DNAJC19: variants seen among roughly 807,000 people sequenced by gnomAD.
The protein encoded by DNAJC19 is mitochondrial import inner membrane translocase subunit TIM14.
Under a neutral mutation model 19.8 loss-of-function variants are expected in DNAJC19, and 15 were observed. The ratio of observed to expected loss-of-function variants is 0.76; its 90% CI spans 0.51 to 1.17. DNAJC19 has a LOEUF of 1.17. DNAJC19 is among the 50% of genes most tolerant of loss of function. DNAJC19 has a pLI of 0.00. For missense variants in DNAJC19, 105 were observed against 140.9 expected (o/e 0.75, Z 1.29); for synonymous variants, 38 against 42.1 (o/e 0.90, Z 0.38).
intron 1 of DNAJC19, chr3:180,989,251 T>A: frequency 8.6e-7 from 1 of 1,169,060 alleles, no homozygotes. Flanking sequence ...GTGGAGCTAG[T>A]GCTGTGAAGA....
Position 180,984,005 on chromosome 3 carries a change from A to G in DNAJC19, c.*635T>C, listed in dbSNP as rs1442869243. 2.2e-6 allele frequency: 1 copy of G among 453,916 alleles called. No homozygotes were observed. Among genetic ancestry groups the G allele is most frequent in the South Asian group, 1.6e-5 (1 of 64,462 alleles). 28.1% of individuals were successfully genotyped at this position (453,916 alleles called of 1,614,324 possible). ...TTAAACCCAGGAGGTTGAGGCTGCA[A>G]TGAACTGTGATTGTACCAGACCTGT... On this transcript the variant is annotated 3_prime_UTR_variant, in exon 6 of 6. Transcript: ENST00000382564.
chr3:180,987,228 A>G, intron 3 of DNAJC19: 1 of 587,272 alleles, frequency 1.7e-6, no homozygotes, highest in Non-Finnish European at 3.0e-6. Context: ...AAACAGATTC[A>G]TTTTTTTCCA....
In DNAJC19 at chr3:180,988,237, G is replaced by C. The variant is rs761780919; in HGVS notation, c.4-8C>G. On this transcript the variant is annotated splice_region_variant and splice_polypyrimidine_tract_variant and intron_variant, in intron 1 of 5. Coordinates refer to ENST00000382564, the MANE Select transcript of DNAJC19 (RefSeq NM_145261.4). ...TGCTACCACTGTACTGGCCTGGTAA[G>C]GGGGAGAAGAGTAAATATTTACTTC... The C allele has an allele frequency of 1.9e-6, 3 of 1,614,072 alleles. No individual in the cohort carries two copies. The highest frequency in any genetic ancestry group is 1.7e-6 in the Non-Finnish European group (2 of 1,180,010).
intron 5 of DNAJC19, chr3:180,985,632 A>G (rs935784425): frequency 2.9e-6 from 1 of 345,874 alleles, no homozygotes; most frequent in South Asian, 3.6e-5. Flanking sequence ...TCTAAAATGG[A>G]TAAGGAAAAA....
Position 180,989,733 on chromosome 3 carries a change from A to C in DNAJC19, c.-131T>G. 1 of 1,465,686 alleles carries C rather than the reference A, an allele frequency of 6.8e-7. No individual in the cohort carries two copies. The allele number at this position is 1,465,686 out of a possible 1,614,324, so 90.8% of individuals were successfully genotyped here. A position where few individuals can be genotyped will look rare whatever the true frequency, so the allele number is the denominator to read the frequency against. ...ACCTCAAGCACAGGCGCCCTACGCA[A>C]CACGGCAGGAGCAGCCGCAAACTAG... is the stretch of plus-strand genomic sequence containing the variant. On this transcript the variant is annotated 5_prime_UTR_variant, in exon 1 of 6. Coordinates refer to ENST00000382564, the MANE Select transcript of DNAJC19 (RefSeq NM_145261.4).
Position 180,989,658 on chromosome 3 carries a change from G to C in DNAJC19, c.-56C>G, listed in dbSNP as rs747436067. On this transcript the variant is annotated 5_prime_UTR_variant, in exon 1 of 6. Coordinates refer to ENST00000382564, the MANE Select transcript of DNAJC19 (RefSeq NM_145261.4). ...GGAGCACGGCTCATCCCAGCTCAGA[G>C]GCCGCGGCCAACACCTGCACGCCTT... 1 of 1,569,672 alleles carries C rather than the reference G, an allele frequency of 6.4e-7. No homozygotes were observed. Among genetic ancestry groups the C allele is most frequent in the South Asian group, 1.2e-5 (1 of 85,392 alleles).
At position 180,989,683 on chromosome 3, in the gene DNAJC19, T is replaced by C. The variant is rs1432633416; in HGVS notation, c.-81A>G. 1 of 1,554,310 alleles carries C rather than the reference T, an allele frequency of 6.4e-7. No homozygotes were observed. Among genetic ancestry groups the C allele is most frequent in the South Asian group, 1.2e-5 (1 of 84,430 alleles). ...GGCCGCGGCCAACACCTGCACGCCT[T>C]TACCAGAGAGCGACGCAACCCCCAA... On this transcript the variant is annotated 5_prime_UTR_variant, in exon 1 of 6. Coordinates refer to ENST00000382564, the MANE Select transcript of DNAJC19 (RefSeq NM_145261.4).
At chr3:180,986,857 C>A in intron 4 of DNAJC19, 86 bp downstream of exon 4, 2 of 1,131,616 alleles carry the variant, frequency 1.8e-6, no homozygotes, top group Non-Finnish European at 2.7e-6. Context: ...TGACCCTCTC[C>A]TATTAAAGGA....
Position 180,984,691 on chromosome 3 carries a change from TG to T in DNAJC19, c.299del (p.Ala100GlufsTer11). The T allele has an allele frequency of 6.2e-7, 1 of 1,608,464 alleles. No individual in the cohort carries two copies. Among genetic ancestry groups the T allele is most frequent in the East Asian group, 2.2e-5 (1 of 44,654 alleles). ...HPDKGGSPYI[A>X]AKINEAKDLL... The stretch of plus-strand genomic sequence containing the variant: ...AATCTTTAGCTTCATTGATTTTGGC[TG>T]CTATATAAGGAGATCCTCCTATAGG... On this transcript the variant is annotated frameshift_variant, in exon 6 of 6. Transcript: ENST00000382564. LOFTEE classifies it high-confidence loss of function.
intron 4 of DNAJC19, among the ~76,000 whole-genome samples, 173 bp from the exon 5 acceptor site, chr3:180,986,169 C>T (rs1343896828): frequency 1.3e-5 from 2 of 152,106 alleles, no homozygotes; most frequent in Non-Finnish European, 2.9e-5. Context: ...TGGGAAACTA[C>T]TTAGAAAAGT....
intron 3 of DNAJC19, chr3:180,987,226 T>G (rs1410535629): frequency 1.7e-6 from 1 of 590,166 alleles, no homozygotes; most frequent in Non-Finnish European, 3.0e-6. Flanking sequence ...TTAAACAGAT[T>G]CATTTTTTTC....
At chr3:180,988,129 A>T (rs780994400) in intron 2 of DNAJC19, 33 bp from the exon 3 acceptor site, 5 of 1,614,174 alleles carry the variant, frequency 3.1e-6, no homozygotes, top group Non-Finnish European at 2.5e-6. Context: ...AAGTAAACTA[A>T]ATCTCCAATC....
At chr3:180,986,438 C>T (rs558157852) in intron 4 of DNAJC19, among the ~76,000 whole-genome samples, 5 of 152,142 alleles carry the variant, frequency 3.3e-5, no homozygotes, top group South Asian at 4.2e-4. Flanking sequence ...TGTGCCATTA[C>T]GCCTGGCTAA....
chr3:180,986,412 G>A (rs924983426), intron 4 of DNAJC19, among the ~76,000 whole-genome samples: 1 of 151,900 alleles, frequency 6.6e-6, no homozygotes, highest in Admixed American at 6.6e-5. Flanking sequence ...CTTCCGAGTA[G>A]CTGGGATTAC....
intron 1 of DNAJC19, among the ~76,000 whole-genome samples, chr3:180,988,466 T>C (rs1286927970): frequency 1.3e-5 from 2 of 151,452 alleles, no homozygotes; most frequent in Non-Finnish European, 2.9e-5. Context: ...GCTAAGATTA[T>C]AGGCATAAGC....
intron 1 of DNAJC19, 30 bp downstream of exon 1, chr3:180,989,570 T>A (rs534362204): frequency 1.8e-5 from 29 of 1,567,600 alleles, no homozygotes; most frequent in Non-Finnish European, 2.4e-5. Context: ...GGGCCGGAGG[T>A]CGCCAAGAAG....
chr3:180,987,381 T>C (rs995673060), intron 3 of DNAJC19: 5 of 307,096 alleles, frequency 1.6e-5, no homozygotes, highest in South Asian at 1.4e-4. Flanking sequence ...CAGAAGTCTT[T>C]TGAGACAAGA....
intron 3 of DNAJC19, 83 bp from the exon 4 acceptor site, chr3:180,987,105 T>A: frequency 8.4e-7 from 1 of 1,183,980 alleles, no homozygotes; most frequent in Non-Finnish European, 1.3e-6. Flanking sequence ...TTCACAGAAC[T>A]AAGAAAAACT....
At chr3:180,987,246 T>C in intron 3 of DNAJC19, 5 of 564,708 alleles carry the variant, frequency 8.9e-6, no homozygotes, top group South Asian at 2.1e-5. Context: ...CCAGTCAATA[T>C]GAACTATCTT....
Sources: allele counts gnomAD v4.1 joint callset (sites outside exome capture counted in the v4.1 genomes callset), GRCh38; gene constraint gnomAD v4.1.1; transcripts MANE v1.5; gene names NCBI Gene and HGNC (gene_info 2026-07-23, HGNC 2026-07-21).